The following SPDYE10 variants were observed in gnomAD, a reference collection of about 807,000 sequenced individuals.
SPDYE10 encodes the protein speedy protein E10.
At chr7:73,123,780 T>TCTCC in the SPDYE10 span, among the ~76,000 whole-genome samples, 2 of 147,556 alleles carry the variant, frequency 1.4e-5, no homozygotes, top group African/African-American at 5.2e-5. Context: ...TCTCTCTCTC[T>TCTCC]CTCTCTCCCT....
chr7:73,116,889 A>G, the SPDYE10 span, among the ~76,000 whole-genome samples: 7 of 148,608 alleles, frequency 4.7e-5, no homozygotes, highest in South Asian at 1.5e-3. Flanking sequence ...CCTCAGCCTA[A>G]CAGATTTGTT....
chr7:73,123,788 C>CCTCTCTCCCTCTCTCTCTCTCTCTCTCT, the SPDYE10 span, among the ~76,000 whole-genome samples: 1 of 97,458 alleles, frequency 1.0e-5, no homozygotes, highest in African/African-American at 5.1e-5. Flanking sequence ...TCTCTCTCTC[C>CCTCTCTCCCTCTCTCTCTCTCTCTCTCT]CTCTCTCTCT....
the SPDYE10 span, among the ~76,000 whole-genome samples, chr7:73,135,120 T>TCAGCCCTGGGG: frequency 6.6e-6 from 1 of 152,258 alleles, no homozygotes; most frequent in African/African-American, 2.4e-5. Flanking sequence ...CTCTGCCTGC[T>TCAGCCCTGGGG]CAGCCCTGGG....
At chr7:73,126,688 C>CT in the SPDYE10 span, among the ~76,000 whole-genome samples, 2 of 141,974 alleles carry the variant, frequency 1.4e-5, no homozygotes, top group African/African-American at 2.7e-5. Context: ...CTTTTTTTTT[C>CT]TTTTTTTGAG....
At chr7:73,126,909 GTTTTTTTTTTTTT>G in the SPDYE10 span, among the ~76,000 whole-genome samples, 88 of 68,790 alleles carry the variant, frequency 1.3e-3, no homozygotes, top group African/African-American at 4.4e-3. Flanking sequence ...GTTGTTGGTG[GTTTTTTTTTTTTT>G]TTTTTTTTTT....
the SPDYE10 span, among the ~76,000 whole-genome samples, chr7:73,123,824 T>TCTCTCTCTCTCTCTCTCTCTCTCTCTCC: frequency 6.6e-6 from 1 of 150,676 alleles, no homozygotes; most frequent in African/African-American, 2.5e-5. Flanking sequence ...TCTCTCTCTC[T>TCTCTCTCTCTCTCTCTCTCTCTCTCTCC]CTCTGGCTGG....
chr7:73,141,583 T>G, the SPDYE10 span, among the ~76,000 whole-genome samples: 1 of 137,116 alleles, frequency 7.3e-6, no homozygotes, highest in Admixed American at 7.5e-5. Flanking sequence ...GGATGGGATC[T>G]TCGGACAGAA....
At chr7:73,113,621 C>T in the SPDYE10 span, among the ~76,000 whole-genome samples, 1 of 151,292 alleles carries the variant, frequency 6.6e-6, no homozygotes, top group African/African-American at 2.4e-5. Flanking sequence ...CGGCCAGGCA[C>T]AGTGGCTCAC....
At chr7:73,120,342 G>A in the SPDYE10 span, among the ~76,000 whole-genome samples, 5 of 3,264 alleles carry the variant, frequency 1.5e-3, no homozygotes, top group African/African-American at 0.014. Flanking sequence ...AGGACCACAT[G>A]TGTTCAAGTG....
At chr7:73,114,568 ACT>A in the SPDYE10 span, among the ~76,000 whole-genome samples, 1 of 121,870 alleles carries the variant, frequency 8.2e-6, no homozygotes, top group Non-Finnish European at 1.7e-5. Flanking sequence ...ACAGAGTCTC[ACT>A]CTGTCACCCA....
At chr7:73,155,254 C>T in the SPDYE10 span, 1 of 389,186 alleles carries the variant, frequency 2.6e-6, no homozygotes, top group Non-Finnish European at 4.5e-6. Context: ...TCCTGGAGCA[C>T]CGGCTGCAAG....
the SPDYE10 span, among the ~76,000 whole-genome samples, chr7:73,154,774 G>T: frequency 6.6e-6 from 1 of 151,238 alleles, no homozygotes; most frequent in South Asian, 2.1e-4. Context: ...CCGGGCTGCC[G>T]GTAGCTCCGG....
the SPDYE10 span, among the ~76,000 whole-genome samples, chr7:73,139,609 C>T: frequency 6.7e-6 from 1 of 149,744 alleles, no homozygotes; most frequent in African/African-American, 2.5e-5. Flanking sequence ...GCATGAGCCA[C>T]CACGCCCCCT....
chr7:73,113,759 G>A, the SPDYE10 span, among the ~76,000 whole-genome samples: 2 of 152,166 alleles, frequency 1.3e-5, no homozygotes, highest in Admixed American at 6.5e-5. Context: ...GACGGGGCCA[G>A]GTGCCATGGC....
chr7:73,149,278 A>G, the SPDYE10 span, among the ~76,000 whole-genome samples: 1 of 123,500 alleles, frequency 8.1e-6, no homozygotes, highest in African/African-American at 3.0e-5. Flanking sequence ...CACTGTGCCC[A>G]GACAACAGCT....
chr7:73,145,123 CTTT>C, the SPDYE10 span, among the ~76,000 whole-genome samples: 1 of 134,786 alleles, frequency 7.4e-6, no homozygotes, highest in African/African-American at 3.3e-5. Flanking sequence ...TTCTTTCTTT[CTTT>C]TCTTTCTTTC....
the SPDYE10 span, among the ~76,000 whole-genome samples, chr7:73,114,770 TCAAA>T: frequency 6.6e-6 from 1 of 150,716 alleles, no homozygotes; most frequent in African/African-American, 2.4e-5. Context: ...ACTCCCAAGC[TCAAA>T]CAGTCTGCCC....
the SPDYE10 span, among the ~76,000 whole-genome samples, chr7:73,141,206 G>A: frequency 2.0e-5 from 3 of 152,274 alleles, no homozygotes; most frequent in Non-Finnish European, 4.4e-5. Flanking sequence ...AGTTTACATA[G>A]CAGAGGAATT....
the SPDYE10 span, among the ~76,000 whole-genome samples, chr7:73,113,886 C>A: frequency 2.3e-3 from 356 of 152,008 alleles, no homozygotes; most frequent in Middle Eastern, 6.8e-3. Flanking sequence ...AGTAGCCAGG[C>A]ATGGTTGCGG....
Sources: allele counts gnomAD v4.1 joint callset (sites outside exome capture counted in the v4.1 genomes callset), GRCh38; gene constraint gnomAD v4.1.1; transcripts MANE v1.5; gene names NCBI Gene and HGNC (gene_info 2026-07-23, HGNC 2026-07-21).